Variants in PPP2R3C observed in about 807,000 individuals in gnomAD.
The protein encoded by PPP2R3C is serine/threonine-protein phosphatase 2A regulatory subunit B'' subunit gamma.
PPP2R3C carries 47 observed loss-of-function variants against 63.7 expected under a neutral mutation model. The ratio of observed to expected loss-of-function variants is 0.74; its 90% CI spans 0.58 to 0.94. The LOEUF is 0.94. Ranked by LOEUF, PPP2R3C falls within the 40% of genes least tolerant of loss-of-function variation. The probability of loss-of-function intolerance (pLI) is 0.00; values close to 1 mark genes in which losing one functional copy is unlikely to be tolerated. For synonymous variants in PPP2R3C, 180 were observed against 177.4 expected (o/e 1.01, Z -0.12); for missense variants, 421 against 518.4 (o/e 0.81, Z 1.82).
At chr14:35,115,771 G>A (rs570285417) in intron 2 of PPP2R3C, among the ~76,000 whole-genome samples, 21 of 152,016 alleles carry the variant, frequency 1.4e-4, no homozygotes, top group Non-Finnish European at 2.5e-4. Flanking sequence ...ACCGGCGCGC[G>A]CCACCACGCC....
intron 1 of PPP2R3C, among the ~76,000 whole-genome samples, chr14:35,120,252 C>CT (rs201787178): frequency 0.017 from 2,505 of 144,300 alleles, 56 homozygotes; most frequent in African/African-American, 0.048. Flanking sequence ...ACTGCTTCTC[C>CT]TTTTTTTTTG....
Position 35,099,446 on chromosome 14 carries a change from TC to T in PPP2R3C, c.574-63del, listed in dbSNP as rs1235947050. On this transcript the variant is annotated intron_variant, in intron 6 of 12. Transcript: ENST00000261475. ...TCTTGATTCATTAGATATTAGAATT[TC>T]ATTACTAAAAATTATTCAGCATTAA... 1.4e-5 allele frequency: 21 copies of T among 1,525,590 alleles called. 1 individual carries two copies. The Middle Eastern group carries it at 5.2e-4, about 38-fold the overall frequency. 94.5% of individuals were successfully genotyped at this position (1,525,590 alleles called of 1,614,324 possible).
intron 1 of PPP2R3C, among the ~76,000 whole-genome samples, chr14:35,120,340 G>A (rs2046830560): frequency 6.6e-6 from 1 of 151,720 alleles, no homozygotes; most frequent in Non-Finnish European, 1.5e-5. Flanking sequence ...CGCCTCTCGG[G>A]TTGAAGGTAT....
chr14:35,094,916 T>C, intron 10 of PPP2R3C, 132 bp downstream of exon 10: 1 of 941,366 alleles, frequency 1.1e-6, no homozygotes, highest in Non-Finnish European at 1.6e-6. Flanking sequence ...ATCACACCAC[T>C]GCACTCTAGC....
In PPP2R3C at chr14:35,109,826, T is replaced by G; in HGVS notation, c.397A>C (p.Lys133Gln). 18 of 1,570,842 alleles carry G rather than the reference T, an allele frequency of 1.1e-5. No homozygotes were observed. Among genetic ancestry groups the G allele is most frequent in the Non-Finnish European group, 1.6e-5 (18 of 1,142,458 alleles). Residue 133 changes from lysine (K) to glutamine (Q), a missense_variant, in exon 4 of 13, where the codon AAG becomes CAG. By Grantham distance (53) the Lys-to-Gln change is moderately conservative (BLOSUM62 1). Around this residue, in one of 3 missense-constraint regions of PPP2R3C, gnomAD observed 143 missense variants for 151.2 expected, o/e 0.95. Transcript: ENST00000261475. Reference protein sequence around the residue: ...FLKVGEKAGAKCKQFFTAKVF... With the variant: ...FLKVGEKAGAQCKQFFTAKVF... ...TAATTATATTATTCTTACTTGCACT[T>G]TGCTCCAGCCTTTTCACCAACCTTC...
intron 1 of PPP2R3C, chr14:35,116,999 T>C (rs1366693043): frequency 2.3e-6 from 1 of 432,646 alleles, no homozygotes; most frequent in Non-Finnish European, 4.6e-6. Flanking sequence ...AGTCTCTTCC[T>C]CAAATTACCT....
At position 35,091,193 on chromosome 14, in the gene PPP2R3C, G is replaced by A. The variant is rs1384582704; in HGVS notation, c.990C>T (p.Tyr330=). 6 of 1,610,506 alleles carry A rather than the reference G, an allele frequency of 3.7e-6. No homozygotes were observed. Among genetic ancestry groups the A allele is most frequent in the Non-Finnish European group, 5.1e-6 (6 of 1,178,768 alleles). ...TTTCTAATGCAAGGACAAAGTCCAA[G>A]TAGGTCTTATAGTCCTACAGAACAG... ...TYDGEMDYKT[Y]LDFVLALENR... Residue 330 remains tyrosine (Y), a synonymous_variant, in exon 11 of 13, where the codon TAC becomes TAT. Coordinates refer to ENST00000261475, the MANE Select transcript of PPP2R3C (RefSeq NM_017917.4).
intron 2 of PPP2R3C, among the ~76,000 whole-genome samples, chr14:35,112,274 T>A (rs8021414): frequency 0.17 from 25,777 of 152,162 alleles, 2,442 homozygotes; most frequent in East Asian, 0.31. Flanking sequence ...TCTTCTTTTT[T>A]AAATTAATAA....
chr14:35,114,085 C>T (rs548627209), intron 2 of PPP2R3C, among the ~76,000 whole-genome samples: 177 of 152,118 alleles, frequency 1.2e-3, no homozygotes, highest in Non-Finnish European at 2.2e-3. Flanking sequence ...TCTCTCCCCT[C>T]GGCTATCAAA....
intron 11 of PPP2R3C, among the ~76,000 whole-genome samples, chr14:35,090,173 T>C (rs566183797): frequency 2.0e-5 from 3 of 152,032 alleles, no homozygotes; most frequent in South Asian, 2.1e-4. Flanking sequence ...ACTTGTAAGA[T>C]GCTAAGCAGT....
chr14:35,089,664 TA>T lies in PPP2R3C; in HGVS notation c.1113+1405del, dbSNP rs1454895779. Among the ~76,000 whole-genome samples, 4 of 143,330 alleles carry T rather than the reference TA, an allele frequency of 2.8e-5. No homozygotes were observed. In the East Asian group the frequency reaches 9.5e-4, roughly 34 times the overall value. The allele number at this position is 143,330 out of a possible 152,430, so 94.0% of individuals were successfully genotyped here. ...CCACCATGCCTGGGGTATGATTTTTTAATTTTTTTTTTTCTTTTTGAGACTC... is the reference window on the plus strand; with the variant it reads ...CCACCATGCCTGGGGTATGATTTTTTATTTTTTTTTTTCTTTTTGAGACTC... On this transcript the variant is annotated intron_variant, in intron 11 of 12. Coordinates refer to ENST00000261475, the MANE Select transcript of PPP2R3C (RefSeq NM_017917.4).
At chr14:35,122,023 C>T (rs376842813), upstream of PPP2R3C, 7 of 1,576,554 alleles carry the variant, frequency 4.4e-6, no homozygotes, top group Admixed American at 1.7e-5. Flanking sequence ...CCTACCAGCT[C>T]AGGCGTCAGC....
intron 6 of PPP2R3C, among the ~76,000 whole-genome samples, chr14:35,102,991 C>T (rs12323698): frequency 0.014 from 2,188 of 152,236 alleles, 40 homozygotes; most frequent in African/African-American, 0.047. Context: ...AACTCCCGAG[C>T]TCAAGCGATC....
chr14:35,108,008 G>A, intron 5 of PPP2R3C, 131 bp downstream of exon 5: 1 of 1,316,844 alleles, frequency 7.6e-7, no homozygotes, highest in Non-Finnish European at 9.9e-7. Context: ...AACACATCTT[G>A]GTCAAAAGAT....
intron 10 of PPP2R3C, among the ~76,000 whole-genome samples, chr14:35,094,100 ATG>A (rs1387701598): frequency 6.6e-6 from 1 of 152,218 alleles, no homozygotes; most frequent in Non-Finnish European, 1.5e-5. Flanking sequence ...ATCATGGCAT[ATG>A]TGTTACTACA....
chr14:35,116,267 G>T (rs1346832733), intron 2 of PPP2R3C, among the ~76,000 whole-genome samples: 1 of 151,290 alleles, frequency 6.6e-6, no homozygotes, highest in Non-Finnish European at 1.5e-5. Context: ...TCTGGGGGTG[G>T]GGAGGACAGG....
chr14:35,115,315 A>G (rs2046678963), intron 2 of PPP2R3C, among the ~76,000 whole-genome samples: 1 of 151,194 alleles, frequency 6.6e-6, no homozygotes, highest in African/African-American at 2.4e-5. Flanking sequence ...GGTGCGCACC[A>G]CCATGCCCGG....
At chr14:35,121,808 G>C (rs541175550) in intron 1 of PPP2R3C, 94 bp downstream of exon 1, 1 of 1,379,714 alleles carries the variant, frequency 7.2e-7, no homozygotes, top group Non-Finnish European at 1.0e-6. Context: ...AAGCGGAAAA[G>C]GCGGCTCCCC....
chr14:35,089,290 A>C (rs2045710900), intron 11 of PPP2R3C, among the ~76,000 whole-genome samples: 1 of 151,934 alleles, frequency 6.6e-6, no homozygotes, highest in South Asian at 2.1e-4. Flanking sequence ...TTTTGTAGAG[A>C]TGGAGTCTCC....
Sources: allele counts gnomAD v4.1 joint callset (sites outside exome capture counted in the v4.1 genomes callset), GRCh38; gene constraint gnomAD v4.1.1; regional missense constraint gnomAD v4.1.1; transcripts MANE v1.5; gene names NCBI Gene and HGNC (gene_info 2026-07-23, HGNC 2026-07-21).